Variants in TMEM135 observed in about 807,000 individuals in gnomAD.
The protein encoded by TMEM135 is transmembrane protein 135, also known as peroxisomal membrane protein 52.
In TMEM135, 30 loss-of-function variants were observed where a neutral mutation model predicts 60.3. The observed-to-expected ratio is 0.50, with a 90% CI of 0.37 to 0.68. TMEM135 has a LOEUF of 0.68. Ranked by LOEUF, TMEM135 falls within the 30% of genes least tolerant of loss-of-function variation. The pLI, the probability that TMEM135 is intolerant of heterozygous loss-of-function variation, is 0.00. For missense variants in TMEM135, 468 were observed against 548.8 expected (o/e 0.85, Z 1.47); for synonymous variants, 190 against 186.7 (o/e 1.02, Z -0.14).
At chr11:87,297,914 G>A (rs1942373459) in intron 7 of TMEM135, among the ~76,000 whole-genome samples, 1 of 152,084 alleles carries the variant, frequency 6.6e-6, no homozygotes, top group African/African-American at 2.4e-5. Context: ...TGGTGAATAT[G>A]GACTCACCAC....
At chr11:87,059,182 C>G (rs1268665088) in intron 1 of TMEM135, among the ~76,000 whole-genome samples, 2 of 151,990 alleles carry the variant, frequency 1.3e-5, no homozygotes, top group Non-Finnish European at 2.9e-5. Flanking sequence ...GGCGATCCAC[C>G]TGCCTCGGCC....
At chr11:87,276,729 C>G (rs1351733336) in intron 6 of TMEM135, among the ~76,000 whole-genome samples, 1 of 133,794 alleles carries the variant, frequency 7.5e-6, no homozygotes, top group Admixed American at 8.7e-5. Flanking sequence ...ATCGCGGTAG[C>G]GTGATCTCGA....
At chr11:87,228,437 A>T (rs1258533981) in intron 5 of TMEM135, among the ~76,000 whole-genome samples, 1 of 152,210 alleles carries the variant, frequency 6.6e-6, no homozygotes, top group African/African-American at 2.4e-5. Flanking sequence ...AGGTAGAAAC[A>T]TGTCTAAAAT....
At chr11:87,064,603 C>G (rs1156338021) in intron 1 of TMEM135, among the ~76,000 whole-genome samples, 1 of 152,220 alleles carries the variant, frequency 6.6e-6, no homozygotes, top group Non-Finnish European at 1.5e-5. Flanking sequence ...GTTATAGAGG[C>G]CAGGCACGGT....
In TMEM135 at chr11:87,037,979, G is replaced by A. The variant is rs1205301674; in HGVS notation, c.-67G>A. The A allele has an allele frequency of 2.5e-6, 4 of 1,606,132 alleles. No individual in the cohort carries two copies. The South Asian group carries it at 4.4e-5, about 18-fold the overall frequency. ...GGCCGGGCGAGAGGCTGGCGGCTGG[G>A]CTCTCGCGCCCCTCCCTGCAGGGCT... On this transcript the variant is annotated 5_prime_UTR_variant, in exon 1 of 15. Transcript: ENST00000305494.
chr11:87,261,018 C>T (rs1440040148), intron 6 of TMEM135, among the ~76,000 whole-genome samples: 1 of 152,142 alleles, frequency 6.6e-6, no homozygotes, highest in African/African-American at 2.4e-5. Flanking sequence ...CTGTAATTGT[C>T]TTTAGAATCT....
At chr11:87,200,169 A>G (rs980251668) in intron 5 of TMEM135, among the ~76,000 whole-genome samples, 13 of 152,192 alleles carry the variant, frequency 8.5e-5, no homozygotes, top group African/African-American at 3.1e-4. Context: ...ATTTAAAATT[A>G]TGGGATGATA....
rs1272402539 is a variant in TMEM135, at chr11:87,328,592, G to A, written c.*7259G>A. ...TCCCACTTACAGTTGAGAACATACA[G>A]AATTTGATTTTCTATTCCGGAGTTA... On this transcript the variant is annotated 3_prime_UTR_variant, in exon 15 of 15. Transcript: ENST00000305494. 1.1e-5 allele frequency: 5 copies of A among 453,942 alleles called. No individual in the cohort carries two copies. The highest frequency in any genetic ancestry group is 4.7e-5 in the Admixed American group (2 of 42,536). 28.1% of individuals were successfully genotyped at this position (453,942 alleles called of 1,614,324 possible).
At chr11:87,103,234 A>G (rs1004125552) in intron 4 of TMEM135, among the ~76,000 whole-genome samples, 3 of 152,096 alleles carry the variant, frequency 2.0e-5, no homozygotes, top group African/African-American at 7.2e-5. Context: ...ATCATATGGT[A>G]TTTTTAGTTT....
chr11:87,147,879 TCCCGAGTAGC>T (rs1387837111), intron 4 of TMEM135, among the ~76,000 whole-genome samples: 1 of 152,188 alleles, frequency 6.6e-6, no homozygotes, highest in African/African-American at 2.4e-5. Context: ...TGCCTCAGCC[TCCCGAGTAGC>T]CAGGACTACA....
chr11:87,238,335 A>T (rs1444626634), intron 6 of TMEM135, among the ~76,000 whole-genome samples: 1 of 152,040 alleles, frequency 6.6e-6, no homozygotes, highest in Non-Finnish European at 1.5e-5. Context: ...TGTCATATGC[A>T]AATAAAAAAT....
At chr11:87,111,649 T>TC (rs1857751808) in intron 4 of TMEM135, among the ~76,000 whole-genome samples, 1 of 42,608 alleles carries the variant, frequency 2.3e-5, no homozygotes, top group Admixed American at 3.0e-4. Flanking sequence ...AGACTCCGTC[T>TC]CAAAAAAAAA....
At chr11:87,059,044 T>G (rs1468601949) in intron 1 of TMEM135, among the ~76,000 whole-genome samples, 1 of 151,762 alleles carries the variant, frequency 6.6e-6, no homozygotes, top group Non-Finnish European at 1.5e-5. Context: ...TTCAAGCAAT[T>G]CTCCTGCCTC....
chr11:87,057,721 C>G (rs1053370119), intron 1 of TMEM135, among the ~76,000 whole-genome samples: 5 of 151,960 alleles, frequency 3.3e-5, no homozygotes, highest in African/African-American at 1.2e-4. Context: ...GCTTATGATT[C>G]TAACCTTAAA....
intron 4 of TMEM135, among the ~76,000 whole-genome samples, chr11:87,120,687 C>T (rs555978907): frequency 1.3e-3 from 195 of 151,908 alleles, no homozygotes; most frequent in African/African-American, 4.5e-3. Flanking sequence ...AGGATGGTCT[C>T]GATCTCCTGA....
In TMEM135 at chr11:87,038,138, C is replaced by T. The variant is rs762396556; in HGVS notation, c.93C>T (p.Thr31=). ...GCCGGGTCTCCTTCCTGCAGATCAC[C>T]GGGGGCGCCCTGGAGGAGTCCCTGA... ...PSCRVSFLQI[T]GGALEESLKI... Residue 31 remains threonine (T), a synonymous_variant, in exon 1 of 15, where the codon ACC becomes ACT. Coordinates refer to ENST00000305494, the MANE Select transcript of TMEM135 (RefSeq NM_022918.4). 3.1e-6 allele frequency: 5 copies of T among 1,614,030 alleles called. No individual in the cohort carries two copies. The highest frequency in any genetic ancestry group is 4.2e-6 in the Non-Finnish European group (5 of 1,180,048).
chr11:87,112,184 T>C (rs1324031011), intron 4 of TMEM135, among the ~76,000 whole-genome samples: 2 of 152,216 alleles, frequency 1.3e-5, no homozygotes, highest in Non-Finnish European at 2.9e-5. Flanking sequence ...TTAGGCAGCC[T>C]CAGCATGGAT....
At chr11:87,224,759 G>T (rs1940730395) in intron 5 of TMEM135, among the ~76,000 whole-genome samples, 2 of 125,718 alleles carry the variant, frequency 1.6e-5, no homozygotes, top group Non-Finnish European at 1.7e-5. Flanking sequence ...TGACATGTGA[G>T]TTTTTTTTTT....
intron 3 of TMEM135, among the ~76,000 whole-genome samples, chr11:87,083,839 C>T (rs957733946): frequency 6.6e-6 from 1 of 152,042 alleles, no homozygotes; most frequent in Admixed American, 6.6e-5. Flanking sequence ...ACCCATTATA[C>T]CTTGAAAGAT....
Sources: allele counts gnomAD v4.1 joint callset (sites outside exome capture counted in the v4.1 genomes callset), GRCh38; gene constraint gnomAD v4.1.1; transcripts MANE v1.5; gene names NCBI Gene and HGNC (gene_info 2026-07-23, HGNC 2026-07-21).